WNT7B: variants seen among roughly 807,000 people sequenced by gnomAD.
WNT7B encodes Wnt family member 7B, also known as protein Wnt-7b.
A neutral mutation model predicts 38.2 loss-of-function variants in WNT7B; 19 were observed. The ratio of observed to expected loss-of-function variants is 0.50; its 90% CI spans 0.35 to 0.73. The LOEUF is 0.73. Among genes scored for constraint, WNT7B ranks in the 30% least tolerant of loss-of-function variants. The probability of loss-of-function intolerance (pLI) is 0.01; values close to 1 mark genes in which losing one functional copy is unlikely to be tolerated. For missense variants in WNT7B, 423 were observed against 507.9 expected, an observed-to-expected ratio of 0.83 and a Z score of 1.61; for synonymous variants, 243 against 209.3, an observed-to-expected ratio of 1.16 and a Z score of -1.39.
At chr22:45,942,863 G>T (rs9803093) in intron 2 of WNT7B, among the ~76,000 whole-genome samples, 28,696 of 150,098 alleles carry the variant, frequency 0.19, 3,160 homozygotes, top group South Asian at 0.38. Context: ...TGCTGTGTGT[G>T]TGTGTGTGCG....
intron 3 of WNT7B, among the ~76,000 whole-genome samples, chr22:45,929,352 T>C (rs1311292449): frequency 2.0e-5 from 3 of 151,376 alleles, no homozygotes; most frequent in Admixed American, 2.0e-4. Flanking sequence ...ACTCATTCCT[T>C]TATCCATCCA....
At chr22:45,972,310 C>G in intron 1 of WNT7B, 1 of 499,172 alleles carries the variant, frequency 2.0e-6, no homozygotes, top group Non-Finnish European at 3.6e-6. Context: ...AGGCCGGGGT[C>G]CCCGCGGAGC....
intron 1 of WNT7B, among the ~76,000 whole-genome samples, chr22:45,960,861 G>T (rs1932181016): frequency 6.6e-6 from 1 of 152,220 alleles, no homozygotes; most frequent in Non-Finnish European, 1.5e-5. Flanking sequence ...CCATATAGGG[G>T]CTCTTCTATG....
At chr22:45,926,141 G>A (rs1931076968) in intron 3 of WNT7B, 1 of 985,444 alleles carries the variant, frequency 1.0e-6, no homozygotes. Context: ...TCCTCGCTTG[G>A]CTGGATCCCT....
rs188008255 is a variant in WNT7B, at chr22:45,957,537, A to C, written c.72-7391T>G. 7.7e-3 allele frequency among the ~76,000 whole-genome samples: 1,166 copies of C among 151,874 alleles called. 15 individuals are homozygous for C. The highest frequency in any genetic ancestry group is 0.027 in the African/African-American group (1,108 of 41,358). ...TGTCTCTACTAAATATACAAGAATA[A>C]GCTAGGCATGGTGGTGCACGCCTGT... is the stretch of plus-strand genomic sequence containing the variant. On this transcript the variant is annotated intron_variant, in intron 1 of 3. Coordinates refer to ENST00000339464, the MANE Select transcript of WNT7B (RefSeq NM_058238.3).
chr22:45,951,784 T>C lies in WNT7B; in HGVS notation c.72-1638A>G, dbSNP rs964519507. 6.6e-6 allele frequency among the ~76,000 whole-genome samples: 1 copy of C among 152,232 alleles called. No individual in the cohort carries two copies. The highest frequency in any genetic ancestry group is 1.5e-5 in the Non-Finnish European group (1 of 68,052). ...AGACCATATTTTGTGTATCCATTCA[T>C]GGCTGGGCATTTCGGCTGCTTCCAC... On this transcript the variant is annotated intron_variant, in intron 1 of 3. Coordinates refer to ENST00000339464, the MANE Select transcript of WNT7B (RefSeq NM_058238.3). The surrounding 1 kb of genome is among the most constrained non-coding windows in gnomAD (Gnocchi z 4.8).
At chr22:45,962,139 C>T (rs1457039244) in intron 1 of WNT7B, among the ~76,000 whole-genome samples, 1 of 148,796 alleles carries the variant, frequency 6.7e-6, no homozygotes, top group South Asian at 2.2e-4. Context: ...AAGAACCAGA[C>T]CGCCTGGGAA....
At chr22:45,942,699 C>T (rs951596131) in intron 2 of WNT7B, among the ~76,000 whole-genome samples, 5 of 152,222 alleles carry the variant, frequency 3.3e-5, no homozygotes, top group African/African-American at 4.8e-5. Context: ...CTCATGGGGT[C>T]CTACGTGGAT....
chr22:45,934,480 C>T (rs978565161), intron 2 of WNT7B, among the ~76,000 whole-genome samples: 6 of 152,124 alleles, frequency 3.9e-5, no homozygotes, highest in Admixed American at 1.3e-4. Flanking sequence ...AATGATTGTG[C>T]GGGCCCAGCC....
chr22:45,941,911 G>A (rs1166354835), intron 2 of WNT7B, among the ~76,000 whole-genome samples: 1 of 152,170 alleles, frequency 6.6e-6, no homozygotes, highest in Non-Finnish European at 1.5e-5. Context: ...CTGAAGAATA[G>A]GTCAGGGGAG....
chr22:45,928,212 G>GGGGGCA lies in WNT7B; in HGVS notation c.570+2880_570+2885dup, dbSNP rs1377986079. 1.8e-3 allele frequency among the ~76,000 whole-genome samples: 277 copies of GGGGGCA among 152,252 alleles called. 2 individuals carry two copies. The highest frequency in any genetic ancestry group is 8.2e-4 in the Non-Finnish European group (56 of 68,004). Reference sequence around the variant, plus strand: ...GTGCAGCGGGGTCCTGAGGAAGCTGGGGGGCAGGGGCAGGCCTGGTACTCT... The same window carrying GGGGGCA: ...GTGCAGCGGGGTCCTGAGGAAGCTGGGGGGCAGGGGCAGGGGCAGGCCTGGTACTCT... On this transcript the variant is annotated intron_variant, in intron 3 of 3. Coordinates refer to ENST00000339464, the MANE Select transcript of WNT7B (RefSeq NM_058238.3).
chr22:45,935,510 T>C (rs2146718336), intron 2 of WNT7B, among the ~76,000 whole-genome samples: 1 of 152,070 alleles, frequency 6.6e-6, no homozygotes, highest in East Asian at 1.9e-4. Context: ...CCCTCCCACA[T>C]ATCCACACAC....
rs1256769667 is a variant in WNT7B at position 45,976,264 on chromosome 22, A to T, written c.71+420T>A. ...GCCCCCCGCCCTCCCGGGCCTCCGC[A>T]GGCGCCGGACGCCCCCCGACCCCGC... On this transcript the variant is annotated intron_variant, in intron 1 of 3. Transcript: ENST00000339464. The surrounding 1 kb of genome is among the most constrained non-coding windows in gnomAD (Gnocchi z 8.5). 1.4e-5 allele frequency among the ~76,000 whole-genome samples: 2 copies of T among 146,134 alleles called. No homozygotes were observed. The highest frequency in any genetic ancestry group is 4.9e-5 in the African/African-American group (2 of 40,558).
intron 1 of WNT7B, among the ~76,000 whole-genome samples, chr22:45,955,138 G>A (rs946269479): frequency 2.0e-5 from 3 of 152,220 alleles, no homozygotes; most frequent in Non-Finnish European, 4.4e-5. Flanking sequence ...GTGCACAGGC[G>A]GCTCCCATGC....
At chr22:45,935,812 G>A in intron 2 of WNT7B, 1 of 985,232 alleles carries the variant, frequency 1.0e-6, no homozygotes, top group Non-Finnish European at 1.2e-6. Context: ...ATTTGCAATA[G>A]GCCCATGGCA....
At chr22:45,926,388 T>C (rs1015808615) in intron 3 of WNT7B, 2 of 985,174 alleles carry the variant, frequency 2.0e-6, no homozygotes, top group South Asian at 9.4e-5. Context: ...GGGGGCCTGG[T>C]TGGGCAGGGG....
chr22:45,936,996 A>T (rs1170601290), intron 2 of WNT7B, among the ~76,000 whole-genome samples: 1 of 152,286 alleles, frequency 6.6e-6, no homozygotes, highest in East Asian at 1.9e-4. Context: ...TTTTGTTAGA[A>T]AGCCATGGTT....
chr22:45,929,781 C>T (rs1363314344), intron 3 of WNT7B, among the ~76,000 whole-genome samples: 7 of 152,004 alleles, frequency 4.6e-5, no homozygotes, highest in East Asian at 1.9e-4. Context: ...TCCTTCCATC[C>T]ACCCACCGAT....
intron 3 of WNT7B, among the ~76,000 whole-genome samples, chr22:45,923,877 C>T (rs986977761): frequency 1.3e-5 from 2 of 152,188 alleles, no homozygotes; most frequent in Non-Finnish European, 2.9e-5. Context: ...TGCCCAAGGC[C>T]AAGGGGAGCA....
Sources: gnomAD v4.1 joint callset for allele counts (sites outside exome capture counted in the v4.1 genomes callset) on GRCh38, gnomAD v4.1.1 for gene constraint, Gnocchi (gnomAD v3.1) non-coding constraint, MANE v1.5 for transcripts, NCBI Gene and HGNC (gene_info 2026-07-23, HGNC 2026-07-21) for gene names.